Variants in OCA2 observed in about 807,000 individuals in gnomAD.
OCA2 encodes OCA2 melanosomal transmembrane protein.
Under a neutral mutation model 100.2 loss-of-function variants are expected in OCA2, and 77 were observed. That is an observed-to-expected ratio of 0.77 (90% CI 0.64 to 0.93). The LOEUF is 0.93. Ranked by LOEUF, OCA2 falls within the 40% of genes least tolerant of loss-of-function variation. OCA2 has a pLI of 0.00. For missense variants in OCA2, 1,062 were observed against 1,089.1 expected (o/e 0.98, Z 0.35); for synonymous variants, 432 against 439.2 (o/e 0.98, Z 0.21).
At chr15:27,940,112 AATGCATTTCTGATTGATAC>A (rs1217566564) in intron 18 of OCA2, among the ~76,000 whole-genome samples, 3 of 152,182 alleles carry the variant, frequency 2.0e-5, no homozygotes. Context: ...ATCCAAATAG[AATGCATTTCTGATTGATAC>A]ATTCCATGCT....
intron 2 of OCA2, among the ~76,000 whole-genome samples, chr15:28,045,189 C>G (rs1270205865): frequency 2.6e-5 from 4 of 152,024 alleles, no homozygotes; most frequent in African/African-American, 9.7e-5. Flanking sequence ...TTAGTTATAA[C>G]TCTTTTTTAT....
At chr15:27,987,534 A>G (rs1228360727) in intron 11 of OCA2, among the ~76,000 whole-genome samples, 2 of 150,206 alleles carry the variant, frequency 1.3e-5, no homozygotes, top group Non-Finnish European at 3.0e-5. Context: ...CCTGGCTAAC[A>G]TGGTGAAACC....
chr15:28,016,312 T>A, intron 7 of OCA2, 126 bp from the exon 8 acceptor site: 1 of 778,538 alleles, frequency 1.3e-6, no homozygotes, highest in South Asian at 1.4e-5. Flanking sequence ...CAGGAGAGCA[T>A]CTTTATTTGA....
At chr15:27,843,522 G>A (rs572483563) in intron 23 of OCA2, among the ~76,000 whole-genome samples, 4 of 152,170 alleles carry the variant, frequency 2.6e-5, no homozygotes, top group Non-Finnish European at 5.9e-5. Context: ...GCTCAGCAGA[G>A]GCAGATGAGA....
intron 19 of OCA2, among the ~76,000 whole-genome samples, chr15:27,883,552 G>A (rs1206270909): frequency 1.3e-5 from 2 of 151,992 alleles, no homozygotes; most frequent in Non-Finnish European, 2.9e-5. Flanking sequence ...GGGACCTCAC[G>A]CCCCCTGCGG....
At chr15:27,980,886 A>G (rs1182129917) in intron 14 of OCA2, among the ~76,000 whole-genome samples, 1 of 152,100 alleles carries the variant, frequency 6.6e-6, no homozygotes, top group Non-Finnish European at 1.5e-5. Flanking sequence ...CTCTGGCTTC[A>G]TTGAACTTCT....
At chr15:28,022,322 AGCTCCCC>A (rs953462612) in intron 6 of OCA2, among the ~76,000 whole-genome samples, 172 bp downstream of exon 6, 5 of 152,172 alleles carry the variant, frequency 3.3e-5, no homozygotes, top group Non-Finnish European at 7.3e-5. Context: ...GTCTCCCTGG[AGCTCCCC>A]GCCCCTCTGT....
At chr15:27,750,480 G>C (rs370457984), downstream of OCA2, among the ~76,000 whole-genome samples, 1 of 152,184 alleles carries the variant, frequency 6.6e-6, no homozygotes, top group East Asian at 1.9e-4. Context: ...TGGGCATATA[G>C]AGAAAGGAGT....
intron 14 of OCA2, among the ~76,000 whole-genome samples, chr15:27,976,762 G>T (rs889332255): frequency 6.6e-6 from 1 of 152,090 alleles, no homozygotes; most frequent in Admixed American, 6.5e-5. Context: ...AATTAATTGG[G>T]AAATATTCTC....
chr15:27,943,276 G>C (rs2039713598), intron 18 of OCA2, among the ~76,000 whole-genome samples: 1 of 152,144 alleles, frequency 6.6e-6, no homozygotes. Flanking sequence ...CAACTCACCA[G>C]CATTCACATT....
intron 23 of OCA2, among the ~76,000 whole-genome samples, chr15:27,799,128 G>T (rs1011920646): frequency 6.6e-6 from 1 of 151,796 alleles, no homozygotes; most frequent in Non-Finnish European, 1.5e-5. Context: ...CTTTGCAATC[G>T]TCAGGCAAAC....
intron 6 of OCA2, among the ~76,000 whole-genome samples, chr15:28,019,763 A>G (rs2042530969): frequency 6.6e-6 from 1 of 151,826 alleles, no homozygotes; most frequent in East Asian, 2.0e-4. Flanking sequence ...GGCCCCTCCT[A>G]CCTCACGCCT....
intron 21 of OCA2, among the ~76,000 whole-genome samples, chr15:27,859,787 G>C (rs921632161): frequency 3.9e-5 from 6 of 152,088 alleles, no homozygotes; most frequent in African/African-American, 1.4e-4. Flanking sequence ...CTTACAGGAA[G>C]AAAGGAACGG....
chr15:28,057,812 G>A (rs572088297), intron 2 of OCA2, among the ~76,000 whole-genome samples: 6 of 108,244 alleles, frequency 5.5e-5, no homozygotes, highest in Admixed American at 2.4e-4. Context: ...TCACAAAGAC[G>A]GGTGGGATTT....
intron 21 of OCA2, among the ~76,000 whole-genome samples, chr15:27,857,781 G>T (rs1001793043): frequency 6.6e-6 from 1 of 152,056 alleles, no homozygotes; most frequent in African/African-American, 2.4e-5. Context: ...TATTTAATAG[G>T]CATTCAGCTA....
chr15:28,021,871 C>G (rs529832726), intron 6 of OCA2, among the ~76,000 whole-genome samples: 1 of 152,300 alleles, frequency 6.6e-6, no homozygotes, highest in South Asian at 2.1e-4. Flanking sequence ...TGGCAGACAG[C>G]TGGCAGGGCG....
chr15:27,843,412 G>A (rs186236467), intron 23 of OCA2, among the ~76,000 whole-genome samples: 63 of 152,328 alleles, frequency 4.1e-4, no homozygotes, highest in African/African-American at 1.4e-3. Flanking sequence ...ATGGCAGTGT[G>A]TGGTAGGCCA....
At chr15:28,040,240 T>C (rs2043164131) in intron 2 of OCA2, among the ~76,000 whole-genome samples, 1 of 152,166 alleles carries the variant, frequency 6.6e-6, no homozygotes, top group Non-Finnish European at 1.5e-5. Flanking sequence ...TTAATTTTTG[T>C]TGTTTAAGCC....
intron 14 of OCA2, among the ~76,000 whole-genome samples, chr15:27,975,509 T>C (rs1223864439): frequency 1.3e-5 from 2 of 152,242 alleles, no homozygotes; most frequent in African/African-American, 4.8e-5. Context: ...AATATGAATA[T>C]ACATTTGTTC....
Sources: gnomAD v4.1 joint callset for allele counts (sites outside exome capture counted in the v4.1 genomes callset) on GRCh38, gnomAD v4.1.1 for gene constraint, MANE v1.5 for transcripts, NCBI Gene and HGNC (gene_info 2026-07-23, HGNC 2026-07-21) for gene names.